The following INTS7 variants were observed in gnomAD, a reference collection of about 807,000 sequenced individuals.
INTS7 encodes chromosome 1 open reading frame 73.
INTS7 carries 46 observed loss-of-function variants against 109.2 expected under a neutral mutation model. The ratio of observed to expected loss-of-function variants is 0.42; its 90% CI spans 0.33 to 0.54. The LOEUF (loss-of-function observed/expected upper bound fraction) is 0.54. Among genes scored for constraint, INTS7 ranks in the 20% least tolerant of loss-of-function variants. INTS7 has a pLI of 0.07. For missense variants in INTS7, 929 were observed against 1,132.4 expected (o/e 0.82, Z 2.58); for synonymous variants, 412 against 402.9 (o/e 1.02, Z -0.27).
intron 7 of INTS7, among the ~76,000 whole-genome samples, chr1:212,005,454 T>C (rs551483588): frequency 1.3e-5 from 2 of 152,334 alleles, no homozygotes; most frequent in East Asian, 3.9e-4. Context: ...CACTTAAAAG[T>C]ATTTAAAATA....
At chr1:211,988,062 TC>T in intron 7 of INTS7, 59 bp from the exon 8 acceptor site, 1 of 798,994 alleles carries the variant, frequency 1.3e-6, no homozygotes, top group Non-Finnish European at 2.0e-6. Context: ...TTCTAAACTG[TC>T]TACTCCATTT....
At chr1:212,020,802 CTGT>C (rs1666656965) in intron 2 of INTS7, 1 of 885,774 alleles carries the variant, frequency 1.1e-6, no homozygotes, top group Non-Finnish European at 1.4e-6. Flanking sequence ...CAAAAACAAT[CTGT>C]ACAAAGACAC....
intron 13 of INTS7, among the ~76,000 whole-genome samples, chr1:211,972,112 G>C (rs1390600844): frequency 1.3e-5 from 2 of 151,666 alleles, no homozygotes; most frequent in African/African-American, 4.8e-5. Flanking sequence ...TGTGACCCAG[G>C]GTATTATTCA....
At chr1:212,022,454 C>G (rs1420616510) in intron 1 of INTS7, among the ~76,000 whole-genome samples, 1 of 152,106 alleles carries the variant, frequency 6.6e-6, no homozygotes, top group Non-Finnish European at 1.5e-5. Flanking sequence ...TTCCATAATA[C>G]AAACCAACTT....
intron 16 of INTS7, chr1:211,966,143 T>C: frequency 5.1e-6 from 1 of 194,196 alleles, no homozygotes; most frequent in Non-Finnish European, 1.0e-5. Context: ...TTTAATTGTA[T>C]CATTAACTCA....
At chr1:212,001,972 C>A (rs1173066705) in intron 7 of INTS7, among the ~76,000 whole-genome samples, 1 of 152,198 alleles carries the variant, frequency 6.6e-6, no homozygotes, top group Non-Finnish European at 1.5e-5. Flanking sequence ...ATAACCTCAG[C>A]TGGATCTGTC....
At chr1:212,022,900 C>T (rs1666770042) in intron 1 of INTS7, among the ~76,000 whole-genome samples, 1 of 152,140 alleles carries the variant, frequency 6.6e-6, no homozygotes, top group African/African-American at 2.4e-5. Context: ...CCCTCTCCCT[C>T]CCTTCCTCCC....
intron 1 of INTS7, among the ~76,000 whole-genome samples, chr1:212,032,955 C>A (rs1347433384): frequency 6.6e-6 from 1 of 152,196 alleles, no homozygotes; most frequent in East Asian, 1.9e-4. Flanking sequence ...TCAGTTTTCT[C>A]CAGTCCCTTT....
At chr1:212,002,469 G>A (rs1256338884) in intron 7 of INTS7, among the ~76,000 whole-genome samples, 1 of 152,118 alleles carries the variant, frequency 6.6e-6, no homozygotes, top group Non-Finnish European at 1.5e-5. Context: ...AGGACTCAAA[G>A]GCCCTAAATG....
chr1:211,987,228 TGGGG>T (rs1389381261), intron 8 of INTS7, among the ~76,000 whole-genome samples: 1 of 151,422 alleles, frequency 6.6e-6, no homozygotes, highest in Non-Finnish European at 1.5e-5. Context: ...AACTAGGAGG[TGGGG>T]GTTGTAGTAA....
At chr1:211,962,161 TAA>T (rs927367986) in intron 16 of INTS7, among the ~76,000 whole-genome samples, 8 of 119,232 alleles carry the variant, frequency 6.7e-5, no homozygotes, top group African/African-American at 2.3e-4. Flanking sequence ...AGGCTCAAAA[TAA>T]AGAGATAGAG....
rs12759730 is a variant in INTS7 at position 211,946,462 on chromosome 1, C to T, written c.2415+145G>A. ...CTGTACTCCAGCCCAGGCGACAGGGCGAGACTCTGTCTCAAAAAACAAAAC... is the reference window on the plus strand; with the variant it reads ...CTGTACTCCAGCCCAGGCGACAGGGTGAGACTCTGTCTCAAAAAACAAAAC... On this transcript the variant is annotated intron_variant, in intron 18 of 19. Coordinates refer to ENST00000366994, the MANE Select transcript of INTS7 (RefSeq NM_015434.4). The surrounding 1 kb of genome is among the most constrained non-coding windows in gnomAD (Gnocchi z 4.3). The T allele has an allele frequency of 0.077, 40,812 of 531,508 alleles. 1,915 individuals are homozygous for T. The highest frequency in any genetic ancestry group is 0.15 in the Admixed American group (4,297 of 29,412). 32.9% of individuals were successfully genotyped at this position (531,508 alleles called of 1,614,324 possible). A position where few individuals can be genotyped will look rare whatever the true frequency, so the allele number is the denominator to read the frequency against.
Position 211,967,878 on chromosome 1 carries a change from A to T in INTS7, c.2114T>A (p.Leu705Gln). 1 of 1,555,828 alleles carries T rather than the reference A, an allele frequency of 6.4e-7. No individual in the cohort carries two copies. Among genetic ancestry groups the T allele is most frequent in the Non-Finnish European group, 8.8e-7 (1 of 1,132,030 alleles). ...ADSATLRNVELQQQSCLLISH... is the reference protein window; with the variant it reads ...ADSATLRNVEQQQQSCLLISH... Reference sequence around the variant, plus strand: ...AAGTACTAGGGCAAGCTTGGGATACAGTTCAACATTCCTCAAAGTTGCTGA... The same window carrying T: ...AAGTACTAGGGCAAGCTTGGGATACTGTTCAACATTCCTCAAAGTTGCTGA... Residue 705 changes from leucine to glutamine, a missense_variant and splice_region_variant, in exon 15 of 20, where the codon CTA becomes CAA. This residue lies in a region of INTS7 where 787 missense variants were observed against 901.1 expected (regional missense o/e 0.87). Coordinates refer to ENST00000366994, the MANE Select transcript of INTS7 (RefSeq NM_015434.4).
At position 211,944,959 on chromosome 1, in the gene INTS7, G is replaced by T; in HGVS notation, c.2426C>A (p.Ser809Ter). ...LQSTSIKLAL[S>*]PSPRNPAEPI... The stretch of plus-strand genomic sequence containing the variant: ...CTCTGCAGGATTCCGGGGCGATGGT[G>T]ACAGAGCAAGCTGGAATGCCAACAC... The change falls in exon 19 of 20, where the codon TCA becomes TAA. Residue 809 changes from serine to a stop codon, truncating the protein, a stop_gained. Transcript: ENST00000366994. LOFTEE classifies it high-confidence loss of function. The T allele has an allele frequency of 6.2e-7, 1 of 1,613,442 alleles. No homozygotes were observed. Among genetic ancestry groups the T allele is most frequent in the South Asian group, 1.1e-5 (1 of 90,846 alleles).
At chr1:212,000,240 G>C (rs936097649) in intron 7 of INTS7, among the ~76,000 whole-genome samples, 2 of 152,196 alleles carry the variant, frequency 1.3e-5, no homozygotes, top group African/African-American at 4.8e-5. Context: ...ATGAATTTGA[G>C]AAGTAAATTA....
chr1:211,955,143 C>A (rs1221958045), intron 16 of INTS7, among the ~76,000 whole-genome samples: 4 of 152,084 alleles, frequency 2.6e-5, no homozygotes, highest in East Asian at 1.9e-4. Flanking sequence ...GTATTTTATT[C>A]TCTTTGAAGC....
chr1:212,004,524 G>T (rs1426742521), intron 7 of INTS7, among the ~76,000 whole-genome samples: 3 of 152,062 alleles, frequency 2.0e-5, no homozygotes, highest in East Asian at 3.9e-4. Flanking sequence ...CACATTTAAG[G>T]GACCTAAAAT....
At chr1:212,032,745 CG>C (rs1399455049) in intron 1 of INTS7, among the ~76,000 whole-genome samples, 1 of 152,156 alleles carries the variant, frequency 6.6e-6, no homozygotes, top group Non-Finnish European at 1.5e-5. Flanking sequence ...TCCCAAAGTG[CG>C]GGGATTACAG....
At chr1:212,001,530 A>G (rs1348565775) in intron 7 of INTS7, among the ~76,000 whole-genome samples, 1 of 152,232 alleles carries the variant, frequency 6.6e-6, no homozygotes, top group Non-Finnish European at 1.5e-5. Flanking sequence ...AGGTATTATA[A>G]GTAATCTAGA....
Sources: allele counts gnomAD v4.1 joint callset (sites outside exome capture counted in the v4.1 genomes callset), GRCh38; gene constraint gnomAD v4.1.1; regional missense constraint gnomAD v4.1.1; non-coding constraint Gnocchi (gnomAD v3.1); transcripts MANE v1.5; gene names NCBI Gene and HGNC (gene_info 2026-07-23, HGNC 2026-07-21).